GRM1: variants seen among roughly 807,000 people sequenced by gnomAD.
GRM1 encodes the protein glutamate metabotropic receptor 1, also known as metabotropic glutamate receptor 1.
Under a neutral mutation model 90.9 loss-of-function variants are expected in GRM1, and 33 were observed. The observed-to-expected ratio is 0.36, with a 90% CI of 0.28 to 0.49. GRM1 has a LOEUF of 0.49. Among genes scored for constraint, GRM1 ranks in the 20% least tolerant of loss-of-function variants. The pLI is 0.99. For missense variants in GRM1, 1,190 were observed against 1,534.3 expected (o/e 0.78, Z 3.75); for synonymous variants, 700 against 613.2 (o/e 1.14, Z -2.09).
intron 2 of GRM1, among the ~76,000 whole-genome samples, chr6:146,251,931 C>CT (rs1227287132): frequency 1.3e-5 from 2 of 152,176 alleles, no homozygotes; most frequent in African/African-American, 4.8e-5. Context: ...ATTTCCAGGG[C>CT]TCATGCCTTC....
intron 1 of GRM1, among the ~76,000 whole-genome samples, chr6:146,127,189 A>G (rs1473329024): frequency 1.3e-5 from 2 of 152,192 alleles, no homozygotes; most frequent in Non-Finnish European, 2.9e-5. Flanking sequence ...AAATTGATTT[A>G]TAGTTTCCGT....
chr6:146,084,993 T>G (rs1776492110), intron 1 of GRM1, among the ~76,000 whole-genome samples: 1 of 152,190 alleles, frequency 6.6e-6, no homozygotes, highest in African/African-American at 2.4e-5. Flanking sequence ...AAATACTTAC[T>G]TTTCTCTTAC....
At chr6:146,187,015 G>A (rs1778758896) in intron 2 of GRM1, among the ~76,000 whole-genome samples, 1 of 152,128 alleles carries the variant, frequency 6.6e-6, no homozygotes, top group African/African-American at 2.4e-5. Flanking sequence ...ATGGCCACAT[G>A]TGATTTAAAG....
intron 7 of GRM1, among the ~76,000 whole-genome samples, chr6:146,417,376 C>G (rs1460984494): frequency 1.3e-5 from 2 of 152,130 alleles, no homozygotes; most frequent in African/African-American, 4.8e-5. Flanking sequence ...CTTCTTATGC[C>G]AATCTTGATC....
At chr6:146,110,179 C>A (rs930932723) in intron 1 of GRM1, among the ~76,000 whole-genome samples, 1 of 152,088 alleles carries the variant, frequency 6.6e-6, no homozygotes. Context: ...AGAGGCAGAA[C>A]GATATGGTTT....
intron 2 of GRM1, among the ~76,000 whole-genome samples, chr6:146,195,560 T>C (rs1779087260): frequency 6.6e-6 from 1 of 152,192 alleles, no homozygotes; most frequent in South Asian, 2.1e-4. Context: ...GGGCAGGACT[T>C]GACCCTGTGT....
chr6:146,176,835 A>G (rs778113139), intron 2 of GRM1, among the ~76,000 whole-genome samples: 8 of 152,064 alleles, frequency 5.3e-5, no homozygotes, highest in Non-Finnish European at 1.0e-4. Context: ...ACTAGCATCC[A>G]TAATAGAAAT....
At chr6:146,198,996 A>G (rs971667557) in intron 2 of GRM1, among the ~76,000 whole-genome samples, 1 of 152,198 alleles carries the variant, frequency 6.6e-6, no homozygotes, top group African/African-American at 2.4e-5. Flanking sequence ...CTTAAGAGGA[A>G]AAGCACTCTT....
intron 2 of GRM1, among the ~76,000 whole-genome samples, chr6:146,297,720 A>G (rs528679821): frequency 6.6e-6 from 1 of 152,314 alleles, no homozygotes; most frequent in African/African-American, 2.4e-5. Flanking sequence ...CTGTGCTTTG[A>G]CCTTTTGTTC....
chr6:146,383,903 A>G (rs2115134384), intron 5 of GRM1, among the ~76,000 whole-genome samples: 1 of 152,294 alleles, frequency 6.6e-6, no homozygotes, highest in South Asian at 2.1e-4. Flanking sequence ...AAATCTTGAC[A>G]AAATATACAA....
At chr6:146,400,233 A>G (rs929393892) in intron 7 of GRM1, among the ~76,000 whole-genome samples, 5 of 152,324 alleles carry the variant, frequency 3.3e-5, no homozygotes, top group Middle Eastern at 3.4e-3. Context: ...AGCACCAAGT[A>G]TGTCCTAAAA....
At chr6:146,281,280 G>T (rs1782557395) in intron 2 of GRM1, among the ~76,000 whole-genome samples, 1 of 152,120 alleles carries the variant, frequency 6.6e-6, no homozygotes, top group South Asian at 2.1e-4. Flanking sequence ...CAGGGACCAG[G>T]ATTCCAACCA....
intron 2 of GRM1, among the ~76,000 whole-genome samples, chr6:146,235,544 G>GC (rs1554284665): frequency 2.0e-5 from 3 of 151,652 alleles, no homozygotes; most frequent in Non-Finnish European, 4.4e-5. Flanking sequence ...GTTGTTTGGT[G>GC]TTTTTTTCAC....
intron 2 of GRM1, among the ~76,000 whole-genome samples, chr6:146,250,129 G>A (rs1217468728): frequency 6.6e-6 from 1 of 152,160 alleles, no homozygotes; most frequent in East Asian, 1.9e-4. Context: ...CGCATAGGTG[G>A]AAGGGGCCTT....
intron 1 of GRM1, among the ~76,000 whole-genome samples, chr6:146,148,430 T>C (rs1452488477): frequency 6.6e-6 from 1 of 152,152 alleles, no homozygotes; most frequent in African/African-American, 2.4e-5. Flanking sequence ...GCATTCTATT[T>C]TAAACCATGC....
chr6:146,285,382 C>A lies in GRM1; in HGVS notation c.951-19229C>A, dbSNP rs183188126. On this transcript the variant is annotated intron_variant, in intron 2 of 7. Transcript: ENST00000282753. ...TGTAACTCCAAACAAAGCTGCACTT[C>A]TCCTTGTGTCTACTGTCTCAGAGTG... Among the ~76,000 whole-genome samples the A allele has an allele frequency of 1.7e-3, 262 of 152,316 alleles. 2 individuals carry two copies. The highest frequency in any genetic ancestry group is 5.7e-3 in the African/African-American group (239 of 41,578).
At chr6:146,252,151 G>A (rs1286425929) in intron 2 of GRM1, among the ~76,000 whole-genome samples, 1 of 151,708 alleles carries the variant, frequency 6.6e-6, no homozygotes, top group East Asian at 1.9e-4. Flanking sequence ...TTATTCACTG[G>A]TAAAGTGAAA....
At chr6:146,155,422 C>T (rs1777489386) in intron 1 of GRM1, among the ~76,000 whole-genome samples, 1 of 152,120 alleles carries the variant, frequency 6.6e-6, no homozygotes, top group South Asian at 2.1e-4. Context: ...GTAGGTTATG[C>T]CATCTATGTT....
chr6:146,248,619 A>G (rs1386183478), intron 2 of GRM1, among the ~76,000 whole-genome samples: 2 of 152,186 alleles, frequency 1.3e-5, no homozygotes, highest in Non-Finnish European at 2.9e-5. Context: ...TAACTTACCC[A>G]GTCTCAGGTA....
Sources: allele counts gnomAD v4.1 joint callset (sites outside exome capture counted in the v4.1 genomes callset), GRCh38; gene constraint gnomAD v4.1.1; transcripts MANE v1.5; gene names NCBI Gene and HGNC (gene_info 2026-07-23, HGNC 2026-07-21).